Variants in DAB1 observed in about 807,000 individuals in gnomAD.
DAB1 encodes the protein disabled homolog 1.
A neutral mutation model predicts 64.6 loss-of-function variants in DAB1; 15 were observed. The observed-to-expected ratio is 0.23, with a 90% confidence interval of 0.16 to 0.36. The LOEUF (loss-of-function observed/expected upper bound fraction) is 0.36. Ranked by LOEUF, DAB1 falls within the 10% of genes least tolerant of loss-of-function variation. The pLI is 1.00. For synonymous variants in DAB1, 235 were observed against 251.9 expected (o/e 0.93, Z 0.64); for missense variants, 596 against 706.7 (o/e 0.84, Z 1.78).
chr1:57,557,152 G>A (rs917162564), intron 7 of DAB1, among the ~76,000 whole-genome samples: 12 of 152,262 alleles, frequency 7.9e-5, no homozygotes, highest in African/African-American at 1.9e-4. Context: ...AAGGTAGACC[G>A]ACTCTTAATC....
At chr1:57,393,887 A>G (rs964943439) in intron 1 of DAB1, among the ~76,000 whole-genome samples, 1 of 152,154 alleles carries the variant, frequency 6.6e-6, no homozygotes, top group African/African-American at 2.4e-5. Flanking sequence ...TTGCAGAAAA[A>G]GGTTCACTGA....
At chr1:58,465,098 T>C (rs1645281356) in intron 3 of DAB1, among the ~76,000 whole-genome samples, 1 of 152,180 alleles carries the variant, frequency 6.6e-6, no homozygotes, top group Admixed American at 6.5e-5. Flanking sequence ...TGTTAACCAA[T>C]ACAGTATCTT....
intron 5 of DAB1, among the ~76,000 whole-genome samples, chr1:57,892,240 T>C (rs924558654): frequency 2.0e-5 from 3 of 152,178 alleles, no homozygotes; most frequent in Non-Finnish European, 4.4e-5. Context: ...GACCTATCAA[T>C]CACAGCGACT....
At chr1:58,291,359 C>G (rs998246357) in intron 4 of DAB1, among the ~76,000 whole-genome samples, 2 of 152,162 alleles carry the variant, frequency 1.3e-5, no homozygotes, top group African/African-American at 4.8e-5. Flanking sequence ...ACCTTCAAGA[C>G]AGGTGCTCCA....
At chr1:57,072,259 C>G in intron 5 of DAB1, 24 bp downstream of exon 5, 1 of 1,611,842 alleles carries the variant, frequency 6.2e-7, no homozygotes, top group African/African-American at 1.3e-5. Context: ...AGGAAAGACT[C>G]CCTTCTTGGA....
At chr1:57,096,676 T>C (rs1313188322) in intron 4 of DAB1, among the ~76,000 whole-genome samples, 1 of 152,172 alleles carries the variant, frequency 6.6e-6, no homozygotes, top group Non-Finnish European at 1.5e-5. Flanking sequence ...CCCTATCATG[T>C]CACCCTCTTT....
chr1:57,192,729 T>A (rs1265592951), intron 2 of DAB1, among the ~76,000 whole-genome samples: 1 of 152,186 alleles, frequency 6.6e-6, no homozygotes, highest in East Asian at 1.9e-4. Flanking sequence ...GACATGCAGG[T>A]GGGCAGGTCA....
intron 1 of DAB1, chr1:58,533,914 C>T (rs1646475733): frequency 1.2e-6 from 1 of 853,152 alleles, no homozygotes; most frequent in East Asian, 2.4e-5. Flanking sequence ...AACTTCAAAG[C>T]AGTTTTTCCA....
intron 1 of DAB1, among the ~76,000 whole-genome samples, chr1:57,384,752 T>C (rs1486477404): frequency 6.6e-6 from 1 of 152,146 alleles, no homozygotes; most frequent in African/African-American, 2.4e-5. Flanking sequence ...TGGGGAGTTA[T>C]TGTTTAAAGG....
chr1:57,976,283 C>A (rs1365504059), intron 5 of DAB1, among the ~76,000 whole-genome samples: 2 of 152,192 alleles, frequency 1.3e-5, no homozygotes, highest in East Asian at 1.9e-4. Flanking sequence ...CAGCAGCCAC[C>A]ACCAAACCAT....
At chr1:58,233,356 T>C (rs566133289) in intron 4 of DAB1, among the ~76,000 whole-genome samples, 35 of 152,324 alleles carry the variant, frequency 2.3e-4, no homozygotes, top group African/African-American at 8.2e-4. Flanking sequence ...ATGTGATTTA[T>C]GCAGTCTCCC....
At chr1:58,198,867 T>C (rs1657840460) in intron 4 of DAB1, among the ~76,000 whole-genome samples, 1 of 152,092 alleles carries the variant, frequency 6.6e-6, no homozygotes, top group Non-Finnish European at 1.5e-5. Flanking sequence ...CCCAGCACTT[T>C]GGGAGGCCCA....
intron 5 of DAB1, among the ~76,000 whole-genome samples, chr1:57,909,072 G>A (rs983545433): frequency 2.0e-5 from 3 of 152,188 alleles, no homozygotes; most frequent in African/African-American, 7.2e-5. Flanking sequence ...GAGGGCAGAT[G>A]TTTCTCAAAA....
chr1:57,298,689 A>AT (rs1673395590), intron 1 of DAB1, among the ~76,000 whole-genome samples: 1 of 152,218 alleles, frequency 6.6e-6, no homozygotes, highest in Non-Finnish European at 1.5e-5. Context: ...TATAAAAGCC[A>AT]TTTTCCATAA....
intron 3 of DAB1, among the ~76,000 whole-genome samples, chr1:58,487,786 C>G (rs1569870318): frequency 1.3e-5 from 2 of 152,248 alleles, no homozygotes; most frequent in East Asian, 3.9e-4. Flanking sequence ...CAATTCCCCT[C>G]CCCCCTCAAC....
At chr1:57,504,753 C>T (rs183858089) in intron 7 of DAB1, among the ~76,000 whole-genome samples, 3 of 152,148 alleles carry the variant, frequency 2.0e-5, no homozygotes. Flanking sequence ...ACAAACACTA[C>T]CTTAGCCAGG....
intron 3 of DAB1, among the ~76,000 whole-genome samples, chr1:58,495,397 T>C (rs1645782588): frequency 6.6e-6 from 1 of 152,202 alleles, no homozygotes; most frequent in South Asian, 2.1e-4. Flanking sequence ...TGTGCACATG[T>C]ACCCTAAAAC....
intron 9 of DAB1, among the ~76,000 whole-genome samples, chr1:57,047,211 T>G (rs1417781886): frequency 6.6e-6 from 1 of 152,178 alleles, no homozygotes; most frequent in Non-Finnish European, 1.5e-5. Flanking sequence ...CCAACAATAG[T>G]TTGGGAGAAT....
intron 3 of DAB1, among the ~76,000 whole-genome samples, chr1:58,434,566 T>C (rs12759977): frequency 0.18 from 27,304 of 152,174 alleles, 3,243 homozygotes; most frequent in Middle Eastern, 0.27. Flanking sequence ...AGGATATCTA[T>C]GAGTCTTGGG....
Sources: gnomAD v4.1 joint callset for allele counts (sites outside exome capture counted in the v4.1 genomes callset) on GRCh38, gnomAD v4.1.1 for gene constraint, MANE v1.5 for transcripts, NCBI Gene and HGNC (gene_info 2026-07-23, HGNC 2026-07-21) for gene names.